The following ARHGEF12 variants were observed in gnomAD, a reference collection of about 807,000 sequenced individuals.
ARHGEF12 encodes the protein KMT2A/ARHGEF12 fusion protein.
A neutral mutation model predicts 211.2 loss-of-function variants in ARHGEF12; 66 were observed. The ratio of observed to expected loss-of-function variants is 0.31; its 90% CI spans 0.26 to 0.38. ARHGEF12 has a LOEUF of 0.38. Ranked by LOEUF, ARHGEF12 falls within the 10% of genes least tolerant of loss-of-function variation. The pLI, the probability that ARHGEF12 is intolerant of heterozygous loss-of-function variation, is 1.00. For synonymous variants in ARHGEF12, 592 were observed against 638.4 expected, an observed-to-expected ratio of 0.93 and a Z score of 1.09; for missense variants, 1,429 against 1,869.5, an observed-to-expected ratio of 0.76 and a Z score of 4.34.
At chr11:120,483,083 A>G (rs1402536387) in intron 39 of ARHGEF12, among the ~76,000 whole-genome samples, 1 of 152,136 alleles carries the variant, frequency 6.6e-6, no homozygotes, top group Non-Finnish European at 1.5e-5. Flanking sequence ...TGTGAACTTC[A>G]CAGAGTGTAC....
At position 120,347,264 on chromosome 11, in the gene ARHGEF12, C is replaced by CTG. The variant is rs1315373728; in HGVS notation, c.32+9990_32+9991insGT. On this transcript the variant is annotated intron_variant, in intron 1 of 40. Coordinates refer to ENST00000397843, the MANE Select transcript of ARHGEF12 (RefSeq NM_015313.3). ...TCTCTGTTTCTCTCTCTCTCTCTCT[C>CTG]TCTGTCTGTGTGTGTGTGTGTGTGT... Among the ~76,000 whole-genome samples the CTG allele has an allele frequency of 1.8e-3, 205 of 112,880 alleles. 1 individual carries two copies. The highest frequency in any genetic ancestry group is 6.3e-3 in the African/African-American group (174 of 27,586). 74.1% of individuals were successfully genotyped at this position (112,880 alleles called of 152,430 possible).
At chr11:120,350,854 C>G (rs1339532410) in intron 1 of ARHGEF12, among the ~76,000 whole-genome samples, 1 of 152,130 alleles carries the variant, frequency 6.6e-6, no homozygotes, top group Non-Finnish European at 1.5e-5. Context: ...TTGGAAATAG[C>G]AACTGATTAA....
intron 10 of ARHGEF12, among the ~76,000 whole-genome samples, chr11:120,430,197 A>G (rs1021790497): frequency 6.6e-6 from 1 of 152,084 alleles, no homozygotes; most frequent in Non-Finnish European, 1.5e-5. Flanking sequence ...ATAGGAATTT[A>G]AGAATTTACA....
At position 120,469,285 on chromosome 11, in the gene ARHGEF12, T is replaced by C; in HGVS notation, c.2855-3T>C. On this transcript the variant is annotated splice_polypyrimidine_tract_variant and splice_region_variant and intron_variant, in intron 29 of 40. Coordinates refer to ENST00000397843, the MANE Select transcript of ARHGEF12 (RefSeq NM_015313.3). ...ACATTTTGGATTTCTTTCCCATATT[T>C]AGAATGGCCAACAGAAAGGGAGAAG... is the stretch of plus-strand genomic sequence containing the variant. The C allele has an allele frequency of 6.2e-7, 1 of 1,607,790 alleles. No homozygotes were observed. Among genetic ancestry groups the C allele is most frequent in the Admixed American group, 1.7e-5 (1 of 58,180 alleles).
chr11:120,373,510 A>C (rs1384790908), intron 1 of ARHGEF12, among the ~76,000 whole-genome samples: 1 of 152,228 alleles, frequency 6.6e-6, no homozygotes, highest in Non-Finnish European at 1.5e-5. Flanking sequence ...TGCACATAAT[A>C]GATGCTCAAT....
intron 1 of ARHGEF12, among the ~76,000 whole-genome samples, chr11:120,343,270 T>G (rs975513895): frequency 6.6e-5 from 10 of 152,254 alleles, no homozygotes; most frequent in Admixed American, 5.2e-4. Context: ...TTGAGATAGA[T>G]GTCCTTGTTT....
intron 10 of ARHGEF12, among the ~76,000 whole-genome samples, chr11:120,430,165 A>G (rs1945482666): frequency 6.6e-6 from 1 of 151,984 alleles, no homozygotes; most frequent in Admixed American, 6.6e-5. Context: ...TTAAAACAGA[A>G]TGGCAGTTGA....
intron 1 of ARHGEF12, among the ~76,000 whole-genome samples, chr11:120,398,571 G>GTT (rs201216645): frequency 6.6e-6 from 1 of 151,826 alleles, no homozygotes; most frequent in African/African-American, 2.4e-5. Context: ...CAGAAAGTGT[G>GTT]TTTTTTTTGT....
intron 7 of ARHGEF12, 59 bp downstream of exon 7, chr11:120,424,474 G>A: frequency 6.7e-7 from 1 of 1,482,520 alleles, no homozygotes; most frequent in Non-Finnish European, 9.4e-7. Flanking sequence ...GTAAGGAGCA[G>A]CAAATTTCCT....
intron 1 of ARHGEF12, 67 bp downstream of exon 1, chr11:120,337,342 A>T: frequency 1.2e-6 from 2 of 1,609,684 alleles, no homozygotes; most frequent in Non-Finnish European, 1.7e-6. Flanking sequence ...GGAGTCGGTG[A>T]TTGCAGATTG....
intron 38 of ARHGEF12, 33 bp downstream of exon 38, chr11:120,480,463 GA>G (rs1194092692): frequency 6.4e-7 from 1 of 1,567,622 alleles, no homozygotes; most frequent in Non-Finnish European, 8.7e-7. Flanking sequence ...CTTTGATTTT[GA>G]TTTTGATCAT....
Position 120,347,716 on chromosome 11 carries a change from A to C in ARHGEF12, c.32+10441A>C, listed in dbSNP as rs1056642476. Reference sequence around the variant, plus strand: ...GATGTCGTAGATTTTATGAGCATTCAGTATAACCAGTAAGTTTGTCATTTC... The same window carrying C: ...GATGTCGTAGATTTTATGAGCATTCCGTATAACCAGTAAGTTTGTCATTTC... On this transcript the variant is annotated intron_variant, in intron 1 of 40. Coordinates refer to ENST00000397843, the MANE Select transcript of ARHGEF12 (RefSeq NM_015313.3). Among the ~76,000 whole-genome samples, 10 of 152,226 alleles carry C rather than the reference A, an allele frequency of 6.6e-5. 1 individual carries two copies. In the South Asian group the frequency reaches 1.4e-3, roughly 22 times the overall value.
chr11:120,426,453 CAG>C (rs752383111), intron 7 of ARHGEF12, among the ~76,000 whole-genome samples: 1 of 152,142 alleles, frequency 6.6e-6, no homozygotes, highest in Non-Finnish European at 1.5e-5. Flanking sequence ...GTGTATGTAA[CAG>C]AGTTCCTGCA....
At position 120,469,343 on chromosome 11, in the gene ARHGEF12, C is replaced by T. The variant is rs1028431845; in HGVS notation, c.2910C>T (p.Ile970=). 3 of 1,612,816 alleles carry T rather than the reference C, an allele frequency of 1.9e-6. No homozygotes were observed. Among genetic ancestry groups the T allele is most frequent in the Non-Finnish European group, 2.5e-6 (3 of 1,179,424 alleles). Residue 970 remains isoleucine (I), a synonymous_variant, in exon 30 of 41, where the codon ATC becomes ATT. Transcript: ENST00000397843. ...AAGCTGCAGATCACTGTCGTCAGAT[C>T]TTAAATTATGTAAATCAGGCTGTCA... is the stretch of plus-strand genomic sequence containing the variant. The part of the protein sequence containing the change: ...VKKAADHCRQ[I]LNYVNQAVKE...
At chr11:120,437,489 GAAAA>G (rs1029920079) in intron 12 of ARHGEF12, 107 bp downstream of exon 12, 2 of 709,850 alleles carry the variant, frequency 2.8e-6, no homozygotes, top group South Asian at 5.2e-5. Flanking sequence ...TTATTTTTTG[GAAAA>G]AAAATTAAAA....
intron 1 of ARHGEF12, among the ~76,000 whole-genome samples, chr11:120,356,027 T>G (rs949744430): frequency 9.2e-5 from 14 of 152,214 alleles, no homozygotes; most frequent in Admixed American, 8.5e-4. Context: ...CAGCTTATTA[T>G]GGAAAAATGG....
rs1945588679 is a variant in ARHGEF12 at position 120,432,793 on chromosome 11, G to A, written c.924+882G>A. Among the ~76,000 whole-genome samples the A allele has an allele frequency of 2.6e-5, 4 of 152,226 alleles. No homozygotes were observed. In the South Asian group the frequency reaches 8.3e-4, roughly 32 times the overall value. On this transcript the variant is annotated intron_variant, in intron 11 of 40. Transcript: ENST00000397843. ...AAGGTTGTTGTTGGGGGATTGTTTT[G>A]TTTTGTTGTTTTTTAAAAAGGAAGC...
chr11:120,430,803 A>G (rs753542890), intron 10 of ARHGEF12, among the ~76,000 whole-genome samples: 14 of 152,170 alleles, frequency 9.2e-5, no homozygotes, highest in Non-Finnish European at 1.6e-4. Flanking sequence ...TAAATCACCT[A>G]TACAAGGCCA....
chr11:120,489,572 G>A lies in ARHGEF12; in HGVS notation c.*4495G>A, dbSNP rs1947482520. 1 of 217,376 alleles carries A rather than the reference G, an allele frequency of 4.6e-6. No homozygotes were observed. The highest frequency in any genetic ancestry group is 9.3e-6 in the Non-Finnish European group (1 of 108,058). 13.5% of individuals were successfully genotyped at this position (217,376 alleles called of 1,614,324 possible). A position where few individuals can be genotyped will look rare whatever the true frequency, so the allele number is the denominator to read the frequency against. ...TAGCTCAGAAGGCTCGCTTACTTTG[G>A]GCATTTGCTGTATTTTGGTTTTGAA... On this transcript the variant is annotated 3_prime_UTR_variant, in exon 41 of 41. Coordinates refer to ENST00000397843, the MANE Select transcript of ARHGEF12 (RefSeq NM_015313.3).
Sources: allele counts gnomAD v4.1 joint callset (sites outside exome capture counted in the v4.1 genomes callset), GRCh38; gene constraint gnomAD v4.1.1; transcripts MANE v1.5; gene names NCBI Gene and HGNC (gene_info 2026-07-23, HGNC 2026-07-21).